The following BCL11B variants were observed in gnomAD, a reference collection of about 807,000 sequenced individuals.
The protein encoded by BCL11B is BCL11 transcription factor B, also known as B-cell lymphoma/leukemia 11B.
BCL11B carries 8 observed loss-of-function variants against 49.9 expected under a neutral mutation model. That is an observed-to-expected ratio of 0.16 (90% CI 0.09 to 0.29). BCL11B has a LOEUF of 0.29. BCL11B is among the 10% of genes least tolerant of loss of function. The pLI, the probability that BCL11B is intolerant of heterozygous loss-of-function variation, is 1.00. For synonymous variants in BCL11B, 739 were observed against 637.4 expected, an observed-to-expected ratio of 1.16 and a Z score of -2.40; for missense variants, 1,006 against 1,351.0, an observed-to-expected ratio of 0.74 and a Z score of 4.00.
At chr14:99,203,682 G>A (rs1355196771) in intron 3 of BCL11B, among the ~76,000 whole-genome samples, 3 of 152,106 alleles carry the variant, frequency 2.0e-5, no homozygotes, top group South Asian at 2.1e-4. Flanking sequence ...GCACAAATGG[G>A]TCTGAAAACT....
At chr14:99,238,700 C>G (rs1383445645) in intron 2 of BCL11B, among the ~76,000 whole-genome samples, 1 of 152,164 alleles carries the variant, frequency 6.6e-6, no homozygotes, top group Non-Finnish European at 1.5e-5. Flanking sequence ...CGGGGAAAAT[C>G]CTGCAGTGTT....
intron 3 of BCL11B, 68 bp from the exon 4 acceptor site, chr14:99,176,263 G>A (rs1886526386): frequency 1.4e-6 from 2 of 1,459,994 alleles, no homozygotes; most frequent in Non-Finnish European, 1.9e-6. Context: ...GGGCACCGCA[G>A]GGCCACTGGC....
intron 3 of BCL11B, among the ~76,000 whole-genome samples, chr14:99,182,961 A>G (rs1166133060): frequency 6.6e-6 from 1 of 152,182 alleles, no homozygotes; most frequent in Non-Finnish European, 1.5e-5. Flanking sequence ...AACTTTGTCT[A>G]CATCTGACTT....
chr14:99,249,824 G>A lies in BCL11B; in HGVS notation c.427+7647C>T, dbSNP rs148042417. On this transcript the variant is annotated intron_variant, in intron 2 of 3. Coordinates refer to ENST00000357195, the MANE Select transcript of BCL11B (RefSeq NM_138576.4). ...TCTGGCACACAGTAAGATCTAGTAAGTATGAGTTAAATTTAACATCAGGCT... is the reference window on the plus strand; with the variant it reads ...TCTGGCACACAGTAAGATCTAGTAAATATGAGTTAAATTTAACATCAGGCT... Among the ~76,000 whole-genome samples, 37 of 152,224 alleles carry A rather than the reference G, an allele frequency of 2.4e-4. No individual in the cohort carries two copies. The East Asian group carries it at 7.2e-3, about 30-fold the overall frequency.
Position 99,257,611 on chromosome 14 carries a change from T to C in BCL11B, c.287A>G (p.Asp96Gly), listed in dbSNP as rs148947748. The stretch of plus-strand genomic sequence containing the variant: ...GGAGCGTGAGGAGGGTGGCGGGCTG[T>C]CCTTGTCCAGGGCCTTGTCATAGCA... ...GACYDKALDKDSPPPSSRSEL... is the reference protein window; with the variant it reads ...GACYDKALDKGSPPPSSRSEL... Residue 96 changes from aspartate (D) to glycine (G), a missense_variant, in exon 2 of 4, where the codon GAC becomes GGC. Physicochemically the swap from Asp to Gly is moderately conservative, Grantham distance 94 (BLOSUM62 -1). This residue lies in a region of BCL11B where 411 missense variants were observed against 542.2 expected (regional missense o/e 0.76). Transcript: ENST00000357195. The surrounding 1 kb of genome is among the most constrained non-coding windows in gnomAD (Gnocchi z 6.2). 6.2e-7 allele frequency: 1 copy of C among 1,614,036 alleles called. No individual in the cohort carries two copies. Among genetic ancestry groups the C allele is most frequent in the African/African-American group, 1.3e-5 (1 of 75,022 alleles).
Position 99,248,870 on chromosome 14 carries a change from G to T in BCL11B, c.427+8601C>A, listed in dbSNP as rs751816661. Among the ~76,000 whole-genome samples the T allele has an allele frequency of 1.3e-5, 2 of 152,152 alleles. No homozygotes were observed. Among genetic ancestry groups the T allele is most frequent in the African/African-American group, 2.4e-5 (1 of 41,422 alleles). On this transcript the variant is annotated intron_variant, in intron 2 of 3. Transcript: ENST00000357195. The surrounding 1 kb of genome is among the most constrained non-coding windows in gnomAD (Gnocchi z 4.7). ...CAGGCTCAGCCCCAGAGACGGGGAA[G>T]ATCTGTCTGCTCAAGGTCACACAGC...
In BCL11B at chr14:99,192,525, G is replaced by A. The variant is rs1300686638; in HGVS notation, c.641-16330C>T. Among the ~76,000 whole-genome samples the A allele has an allele frequency of 2.0e-5, 3 of 152,062 alleles. No individual in the cohort carries two copies. Among genetic ancestry groups the A allele is most frequent in the Non-Finnish European group, 2.9e-5 (2 of 68,014 alleles). ...GCGCGCTACCTTTCACCTCGTCCTCGCCACACACACCCAGGCCCAGCCCCG... is the reference window on the plus strand; with the variant it reads ...GCGCGCTACCTTTCACCTCGTCCTCACCACACACACCCAGGCCCAGCCCCG... On this transcript the variant is annotated intron_variant, in intron 3 of 3. Transcript: ENST00000357195. This position sits in a 1 kb window ranked among gnomAD's most constrained non-coding sequence, Gnocchi z 4.0.
In BCL11B at chr14:99,257,556, C is replaced by G. The variant is rs1293744183; in HGVS notation, c.342G>C (p.Glu114Asp). The G allele has an allele frequency of 4.3e-6, 7 of 1,614,070 alleles. No individual in the cohort carries two copies. Among genetic ancestry groups the G allele is most frequent in the Non-Finnish European group, 5.9e-6 (7 of 1,179,960 alleles). The stretch of plus-strand genomic sequence containing the variant: ...CGTCGGGGGTGACTTGGATCCCGAT[C>G]TCCACCGGCTCGGACACTTTCCTGA... ...SELRKVSEPV[E>D]IGIQVTPDED... is the part of the protein sequence containing the mutation. The change falls in exon 2 of 4, where the codon GAG becomes GAC. Residue 114 changes from glutamate to aspartate, a missense_variant. Physicochemically the swap from Glu to Asp is conservative, Grantham distance 45. Coordinates refer to ENST00000357195, the MANE Select transcript of BCL11B (RefSeq NM_138576.4). This position sits in a 1 kb window ranked among gnomAD's most constrained non-coding sequence, Gnocchi z 6.2.
intron 1 of BCL11B, among the ~76,000 whole-genome samples, chr14:99,269,948 G>T (rs545459621): frequency 6.7e-6 from 1 of 149,036 alleles, no homozygotes; most frequent in East Asian, 2.0e-4. Context: ...AAAGAACGGC[G>T]GGGAAATGTT....
intron 3 of BCL11B, among the ~76,000 whole-genome samples, chr14:99,221,746 T>C (rs960118013): frequency 6.6e-6 from 1 of 152,242 alleles, no homozygotes; most frequent in Non-Finnish European, 1.5e-5. Context: ...CTCTCACCTG[T>C]GAACTACAAG....
At chr14:99,191,334 A>T (rs1422083917) in intron 3 of BCL11B, among the ~76,000 whole-genome samples, 1 of 152,092 alleles carries the variant, frequency 6.6e-6, no homozygotes, top group Admixed American at 6.5e-5. Context: ...CTGTCCCAAA[A>T]GTGGGCAGCC....
chr14:99,270,038 G>C (rs921560231), intron 1 of BCL11B, among the ~76,000 whole-genome samples: 13 of 152,148 alleles, frequency 8.5e-5, no homozygotes, highest in Admixed American at 8.5e-4. Flanking sequence ...GCAAGTGTGC[G>C]GGGACTCGGG....
chr14:99,258,583 G>A (rs1054004284), intron 1 of BCL11B, among the ~76,000 whole-genome samples: 5 of 152,156 alleles, frequency 3.3e-5, no homozygotes, highest in African/African-American at 1.2e-4. Flanking sequence ...TGAGTGTCAG[G>A]TTCCAAAAAA....
chr14:99,190,868 A>G (rs1027680873), intron 3 of BCL11B, among the ~76,000 whole-genome samples: 8 of 151,970 alleles, frequency 5.3e-5, no homozygotes, highest in African/African-American at 1.9e-4. Context: ...TGTGACAGAC[A>G]GCTCACCACC....
intron 3 of BCL11B, among the ~76,000 whole-genome samples, chr14:99,203,366 C>T (rs1328426207): frequency 5.3e-5 from 8 of 152,164 alleles, no homozygotes; most frequent in African/African-American, 1.9e-4. Context: ...ACCCCTGAGA[C>T]CTTCTAGTGG....
Position 99,257,757 on chromosome 14 carries a change from C to T in BCL11B, c.141G>A (p.Met47Ile). Reference sequence around the variant, plus strand: ...GCAGGTCAGGGTCGGGGCCACCCACCATCAGCCCCAGGCCACTTGGCTCCT... The same window carrying T: ...GCAGGTCAGGGTCGGGGCCACCCACTATCAGCCCCAGGCCACTTGGCTCCT... ...EIEEPSGLGL[M>I]VGGPDPDLLT... is the part of the protein sequence containing the mutation. Residue 47 changes from methionine (M) to isoleucine (I), a missense_variant, in exon 2 of 4, where the codon ATG becomes ATA. Physicochemically the swap from Met to Ile is conservative, Grantham distance 10. Transcript: ENST00000357195. The surrounding 1 kb of genome is among the most constrained non-coding windows in gnomAD (Gnocchi z 6.2). 5.0e-6 allele frequency: 8 copies of T among 1,607,050 alleles called. No homozygotes were observed. Among genetic ancestry groups the T allele is most frequent in the Non-Finnish European group, 6.0e-6 (7 of 1,175,208 alleles).
At chr14:99,180,016 C>G (rs949531863) in intron 3 of BCL11B, among the ~76,000 whole-genome samples, 8 of 152,166 alleles carry the variant, frequency 5.3e-5, no homozygotes, top group Non-Finnish European at 7.3e-5. Context: ...TTAAGTGCAG[C>G]AAAAGACCCC....
intron 2 of BCL11B, among the ~76,000 whole-genome samples, chr14:99,244,118 C>A (rs1044067212): frequency 6.6e-6 from 1 of 152,254 alleles, no homozygotes; most frequent in African/African-American, 2.4e-5. Context: ...CCTTCCACCA[C>A]ACTGTCCAAG....
At chr14:99,258,203 T>C (rs1378735855) in intron 1 of BCL11B, among the ~76,000 whole-genome samples, 1 of 152,220 alleles carries the variant, frequency 6.6e-6, no homozygotes, top group Non-Finnish European at 1.5e-5. Context: ...GGTCGTGATG[T>C]GTCTCTCAAA....
Sources: gnomAD v4.1 joint callset for allele counts (sites outside exome capture counted in the v4.1 genomes callset) on GRCh38, gnomAD v4.1.1 for gene constraint, gnomAD v4.1.1 regional missense constraint, Gnocchi (gnomAD v3.1) non-coding constraint, MANE v1.5 for transcripts, NCBI Gene and HGNC (gene_info 2026-07-23, HGNC 2026-07-21) for gene names.